The following TRPM3 variants were observed in gnomAD, a reference collection of about 807,000 sequenced individuals.
TRPM3 encodes the protein transient receptor potential cation channel subfamily M member 3.
TRPM3 carries 77 observed loss-of-function variants against 181.2 expected under a neutral mutation model. The observed-to-expected ratio is 0.42, with a 90% confidence interval of 0.35 to 0.51. TRPM3 has a LOEUF of 0.51. TRPM3 is among the 20% of genes least tolerant of loss of function. The pLI is 0.01. For missense variants in TRPM3, 1,759 were observed against 2,196.7 expected (o/e 0.80, Z 3.98); for synonymous variants, 745 against 796.4 (o/e 0.94, Z 1.09).
intron 4 of TRPM3, 109 bp from the exon 5 acceptor site, chr9:70,843,236 T>C: frequency 8.2e-7 from 1 of 1,219,676 alleles, no homozygotes; most frequent in Non-Finnish European, 1.1e-6. Flanking sequence ...AAATTGAATA[T>C]AAAATTTTGA....
intron 1 of TRPM3, among the ~76,000 whole-genome samples, chr9:70,873,022 A>C (rs1434054386): frequency 6.6e-6 from 1 of 151,948 alleles, no homozygotes; most frequent in Non-Finnish European, 1.5e-5. Flanking sequence ...AACAAATACT[A>C]GTGCTTGAAG....
chr9:71,143,524 CT>C (rs1206228771), intron 1 of TRPM3, among the ~76,000 whole-genome samples: 1 of 152,100 alleles, frequency 6.6e-6, no homozygotes, highest in African/African-American at 2.4e-5. Flanking sequence ...TGAACTCATT[CT>C]TTTTTATGGC....
At chr9:71,094,714 A>G (rs1325143368) in intron 1 of TRPM3, among the ~76,000 whole-genome samples, 2 of 152,152 alleles carry the variant, frequency 1.3e-5, no homozygotes, top group Non-Finnish European at 2.9e-5. Flanking sequence ...TCGGTGCATA[A>G]AAGTATCACA....
At chr9:71,028,372 C>T (rs771717194) in intron 1 of TRPM3, among the ~76,000 whole-genome samples, 4 of 151,998 alleles carry the variant, frequency 2.6e-5, no homozygotes, top group African/African-American at 4.8e-5. Context: ...CGCACCTACA[C>T]ACATCAGTGA....
chr9:71,365,443 G>T (rs2092303095), intron 1 of TRPM3, among the ~76,000 whole-genome samples: 1 of 151,644 alleles, frequency 6.6e-6, no homozygotes, highest in South Asian at 2.1e-4. Flanking sequence ...TTTCATTCAA[G>T]ACATCACTTT....
At position 71,172,973 on chromosome 9, in the gene TRPM3, A is replaced by G. The variant is rs150592410; in HGVS notation, c.183+273680T>C. Among the ~76,000 whole-genome samples, 166 of 152,324 alleles carry G rather than the reference A, an allele frequency of 1.1e-3. 3 individuals carry two copies. Among genetic ancestry groups the G allele is most frequent in the Admixed American group, 9.7e-3 (149 of 15,292 alleles). Reference sequence around the variant, plus strand: ...AGTGGGCATAAACACACAGAAAACCATAATAAACTAGAAAAGCCACATAGA... The same window carrying G: ...AGTGGGCATAAACACACAGAAAACCGTAATAAACTAGAAAAGCCACATAGA... On this transcript the variant is annotated intron_variant, in intron 1 of 24. Coordinates refer to the TRPM3 transcript ENST00000357533.
At chr9:71,412,423 A>G (rs2093568877) in intron 1 of TRPM3, among the ~76,000 whole-genome samples, 1 of 152,222 alleles carries the variant, frequency 6.6e-6, no homozygotes, top group Non-Finnish European at 1.5e-5. Context: ...AAACAACCTC[A>G]TCAAGAAGTG....
At chr9:71,274,439 G>T (rs537397373) in intron 1 of TRPM3, among the ~76,000 whole-genome samples, 1 of 152,272 alleles carries the variant, frequency 6.6e-6, no homozygotes, top group Non-Finnish European at 1.5e-5. Flanking sequence ...AGGTATTAGT[G>T]AAAAAGCATA....
intron 1 of TRPM3, among the ~76,000 whole-genome samples, chr9:70,949,966 T>C (rs2096980157): frequency 6.6e-6 from 1 of 152,134 alleles, no homozygotes; most frequent in South Asian, 2.1e-4. Context: ...ATGTGAAACT[T>C]GGATGCTAAT....
At chr9:71,140,713 G>C (rs1260602974) in intron 1 of TRPM3, among the ~76,000 whole-genome samples, 2 of 152,124 alleles carry the variant, frequency 1.3e-5, no homozygotes, top group Non-Finnish European at 2.9e-5. Flanking sequence ...CAGGTACTGA[G>C]ATAAGTAGCA....
intron 21 of TRPM3, among the ~76,000 whole-genome samples, chr9:70,595,404 A>C (rs1226773716): frequency 6.6e-6 from 1 of 152,218 alleles, no homozygotes; most frequent in Non-Finnish European, 1.5e-5. Context: ...TTTTGTAGTC[A>C]TAACTGCGTG....
At chr9:71,429,683 A>C (rs1233976845) in intron 1 of TRPM3, among the ~76,000 whole-genome samples, 2 of 152,186 alleles carry the variant, frequency 1.3e-5, no homozygotes, top group African/African-American at 4.8e-5. Flanking sequence ...TGCAAAGCCT[A>C]GGGTTGTTTT....
intron 1 of TRPM3, among the ~76,000 whole-genome samples, chr9:71,239,642 A>G (rs1214770872): frequency 6.6e-6 from 1 of 152,194 alleles, no homozygotes; most frequent in Non-Finnish European, 1.5e-5. Context: ...GTTTCATGTG[A>G]TGTAAACTCA....
chr9:71,076,044 T>C (rs2063408216), intron 1 of TRPM3, among the ~76,000 whole-genome samples: 1 of 152,152 alleles, frequency 6.6e-6, no homozygotes, highest in African/African-American at 2.4e-5. Context: ...AAGTACCAAC[T>C]GTACGTTTAC....
Position 70,625,443 on chromosome 9 carries a change from A to C in TRPM3, c.1668+39T>G, listed in dbSNP as rs1169143715. ...GTAAAAAAAAAATAATGAAAAAAGA[A>C]ACATATGAATGTATTATTATGCTGG... is the stretch of plus-strand genomic sequence containing the variant. On this transcript the variant is annotated intron_variant, in intron 13 of 25. Coordinates refer to ENST00000677713, the MANE Select transcript of TRPM3 (RefSeq NM_001366145.2). This position sits in a 1 kb window ranked among gnomAD's most constrained non-coding sequence, Gnocchi z 4.8. 6.3e-7 allele frequency: 1 copy of C among 1,593,110 alleles called. No individual in the cohort carries two copies. Among genetic ancestry groups the C allele is most frequent in the Non-Finnish European group, 8.5e-7 (1 of 1,172,604 alleles).
intron 1 of TRPM3, among the ~76,000 whole-genome samples, chr9:71,186,568 C>T (rs936603416): frequency 6.6e-6 from 1 of 151,946 alleles, no homozygotes; most frequent in Admixed American, 6.6e-5. Context: ...CAAAGATGCA[C>T]TGTATGTAAA....
At chr9:71,357,075 C>T (rs974966014) in intron 1 of TRPM3, among the ~76,000 whole-genome samples, 2 of 152,128 alleles carry the variant, frequency 1.3e-5, no homozygotes, top group Non-Finnish European at 2.9e-5. Context: ...TATGTATAAA[C>T]AGAGAGCCCA....
chr9:71,043,386 C>G (rs1413626158), intron 1 of TRPM3, among the ~76,000 whole-genome samples: 1 of 152,104 alleles, frequency 6.6e-6, no homozygotes, highest in Non-Finnish European at 1.5e-5. Context: ...GAAGTCTCAG[C>G]TACCAGAGCA....
intron 19 of TRPM3, 48 bp from the exon 20 acceptor site, chr9:70,603,518 C>T (rs2060462147): frequency 5.0e-6 from 8 of 1,605,096 alleles, no homozygotes; most frequent in Non-Finnish European, 6.8e-6. Context: ...GCCCAGGAGC[C>T]CCAGCATCAG....
Sources: allele counts gnomAD v4.1 joint callset (sites outside exome capture counted in the v4.1 genomes callset), GRCh38; gene constraint gnomAD v4.1.1; non-coding constraint Gnocchi (gnomAD v3.1); transcripts MANE v1.5; gene names NCBI Gene and HGNC (gene_info 2026-07-23, HGNC 2026-07-21).